HDX: variants seen among roughly 807,000 people sequenced by gnomAD.
HDX encodes chromosome X open reading frame 43.
Under a neutral mutation model 45.2 loss-of-function variants are expected in HDX, and 19 were observed. The observed-to-expected ratio is 0.42, with a 90% CI of 0.29 to 0.62. The LOEUF (loss-of-function observed/expected upper bound fraction) is 0.62. Among genes scored for constraint, HDX ranks in the 20% least tolerant of loss-of-function variants. HDX has a pLI of 0.20. For missense variants in HDX, 532 were observed against 493.9 expected (o/e 1.08, Z -0.73); for synonymous variants, 188 against 172.8 (o/e 1.09, Z -0.69).
intron 5 of HDX, among the ~76,000 whole-genome samples, chrX:84,408,716 G>A (rs2038903098): frequency 9.2e-6 from 1 of 109,173 alleles, no homozygotes; most frequent in Non-Finnish European, 1.9e-5. Context: ...TTTTCTATTT[G>A]TTTGTGTCAT....
chrX:84,391,580 G>A (rs1209667151), intron 5 of HDX, among the ~76,000 whole-genome samples: 1 of 111,152 alleles, frequency 9.0e-6, no homozygotes, highest in Non-Finnish European at 1.9e-5. Context: ...AAGTATATGA[G>A]TTCCTATTTC....
At chrX:84,447,015 C>G (rs1464115177) in intron 4 of HDX, among the ~76,000 whole-genome samples, 1 of 111,773 alleles carries the variant, frequency 8.9e-6, no homozygotes, top group Non-Finnish European at 1.9e-5. Flanking sequence ...TCTCAGATCT[C>G]AGGCTAGTGG....
intron 2 of HDX, among the ~76,000 whole-genome samples, chrX:84,482,364 A>G (rs1051894189): frequency 2.7e-5 from 3 of 111,659 alleles, no homozygotes; most frequent in African/African-American, 9.8e-5. Flanking sequence ...CTTATAGAAG[A>G]AAGAGGTTTA....
At chrX:84,476,698 T>C (rs192329471) in intron 2 of HDX, among the ~76,000 whole-genome samples, 159 of 111,310 alleles carry the variant, frequency 1.4e-3, no homozygotes, top group African/African-American at 5.0e-3. Context: ...ACCAAGTACA[T>C]TGACACGGAA....
At chrX:84,378,501 C>G (rs1325059528) in intron 5 of HDX, among the ~76,000 whole-genome samples, 1 of 111,170 alleles carries the variant, frequency 9.0e-6, no homozygotes, top group Middle Eastern at 4.8e-3. Flanking sequence ...AGTTAAAAAG[C>G]AAGAGAACAA....
At chrX:84,352,727 T>A (rs1342423379) in intron 6 of HDX, among the ~76,000 whole-genome samples, 2 of 112,084 alleles carry the variant, frequency 1.8e-5, no homozygotes, top group Non-Finnish European at 3.8e-5. Context: ...ACGTTGAAAA[T>A]GGATTGCTAT....
rs188685128 is a variant in HDX, at chrX:84,438,659, C to T, written c.1305+1873G>A. ...ACCATGCGGTATTTGGTTTTCTGTT[C>T]TGGCATTAGGTCATTTAGGAAAATA... On this transcript the variant is annotated intron_variant, in intron 5 of 10. Transcript: ENST00000373177. Among the ~76,000 whole-genome samples the T allele has an allele frequency of 9.8e-3, 1,074 of 109,833 alleles. 2 individuals carry two copies. Among genetic ancestry groups the T allele is most frequent in the Non-Finnish European group, 0.012 (632 of 52,685 alleles).
chrX:84,356,796 G>A (rs1416914409), intron 6 of HDX, among the ~76,000 whole-genome samples: 1 of 109,584 alleles, frequency 9.1e-6, no homozygotes, highest in African/African-American at 3.3e-5. Context: ...CTAATTTTTT[G>A]TATTTTTAGT....
intron 5 of HDX, among the ~76,000 whole-genome samples, chrX:84,394,096 T>C (rs1322592412): frequency 9.0e-6 from 1 of 111,244 alleles, no homozygotes; most frequent in Non-Finnish European, 1.9e-5. Flanking sequence ...GATTATTTAT[T>C]TGAAATACTT....
At chrX:84,323,667 C>CTTT (rs1345450465) in intron 10 of HDX, among the ~76,000 whole-genome samples, 2 of 111,454 alleles carry the variant, frequency 1.8e-5, no homozygotes, top group Non-Finnish European at 3.8e-5. Context: ...GCATAGGGCA[C>CTTT]AACTAATACA....
intron 4 of HDX, among the ~76,000 whole-genome samples, chrX:84,461,114 A>G (rs2040227852): frequency 9.0e-6 from 1 of 111,508 alleles, no homozygotes; most frequent in Admixed American, 9.6e-5. Flanking sequence ...CAATCTATAG[A>G]TTCAATTCAA....
chrX:84,459,378 C>G (rs1478637278), intron 4 of HDX, among the ~76,000 whole-genome samples: 1 of 108,452 alleles, frequency 9.2e-6, no homozygotes, highest in East Asian at 2.9e-4. Flanking sequence ...GGAGGCAGAG[C>G]GTGCAGTGAG....
intron 5 of HDX, among the ~76,000 whole-genome samples, chrX:84,423,154 C>A (rs2148016305): frequency 9.1e-6 from 1 of 110,461 alleles, no homozygotes; most frequent in East Asian, 2.9e-4. Flanking sequence ...AAGAAATGAT[C>A]AAATTCCTAG....
intron 1 of HDX, among the ~76,000 whole-genome samples, chrX:84,490,942 G>A (rs1327269892): frequency 9.0e-6 from 1 of 110,740 alleles, no homozygotes; most frequent in Non-Finnish European, 1.9e-5. Context: ...ATAAAGTGCA[G>A]TTATTTTCTC....
chrX:84,417,085 C>G (rs914363148), intron 5 of HDX, among the ~76,000 whole-genome samples: 1 of 108,415 alleles, frequency 9.2e-6, no homozygotes, highest in East Asian at 2.9e-4. Flanking sequence ...ACCTGAGAGG[C>G]AGAATTTGCA....
At chrX:84,335,024 C>A (rs758724744) in intron 8 of HDX, among the ~76,000 whole-genome samples, 1 of 110,664 alleles carries the variant, frequency 9.0e-6, no homozygotes, top group Non-Finnish European at 1.9e-5. Context: ...TAATATATTG[C>A]GTATGAGGAT....
rs749856878 is a variant in HDX, at chrX:84,318,788, A to G, written c.*3101T>C. On this transcript the variant is annotated 3_prime_UTR_variant, in exon 11 of 11. Transcript: ENST00000373177. ...GGTCTCAGCCTTTTCTTCTCCAACA[A>G]TAACAAACATTTCTATCACATGCTT... The G allele has an allele frequency of 2.7e-5, 3 of 111,229 alleles. No individual in the cohort carries two copies. The highest frequency in any genetic ancestry group is 3.8e-5 in the Non-Finnish European group (2 of 52,545). 9.2% of individuals were successfully genotyped at this position (111,229 alleles called of 1,213,427 possible).
intron 4 of HDX, among the ~76,000 whole-genome samples, chrX:84,463,463 A>G (rs1700627269): frequency 1.8e-5 from 2 of 111,687 alleles, no homozygotes; most frequent in Admixed American, 1.9e-4. Context: ...ACTTTTACTA[A>G]TAGAAATGTA....
Position 84,336,816 on chromosome X carries a change from T to C in HDX, c.1725A>G (p.Val575=). 1.7e-6 allele frequency: 2 copies of C among 1,173,328 alleles called. No homozygotes were observed. The highest frequency in any genetic ancestry group is 3.5e-5 in the African/African-American group (2 of 56,934). ...CTGTACATACCACATTATCTGTGGT[T>C]ACTGCATGGTGGTCCTCTTCCTTAT... ...RAHKEEDHHA[V]TTDNVKIEII... The change falls in exon 8 of 11, where the codon GTA becomes GTG. Residue 575 remains valine (V), a synonymous_variant. Coordinates refer to ENST00000373177, the MANE Select transcript of HDX (RefSeq NM_001177479.2).
Sources: gnomAD v4.1 joint callset for allele counts (sites outside exome capture counted in the v4.1 genomes callset) on GRCh38, gnomAD v4.1.1 for gene constraint, MANE v1.5 for transcripts, NCBI Gene and HGNC (gene_info 2026-07-23, HGNC 2026-07-21) for gene names.